Variants in GRIN2A observed in about 807,000 individuals in gnomAD.
The protein encoded by GRIN2A is glutamate receptor ionotropic, NMDA 2A.
A neutral mutation model predicts 113.4 loss-of-function variants in GRIN2A; 22 were observed. The ratio of observed to expected loss-of-function variants is 0.19; its 90% CI spans 0.14 to 0.28. The LOEUF is 0.28. Among genes scored for constraint, GRIN2A ranks in the 10% least tolerant of loss-of-function variants. The pLI is 1.00. For synonymous variants in GRIN2A, 827 were observed against 738.4 expected (o/e 1.12, Z -1.94); for missense variants, 1,502 against 1,887.0 (o/e 0.80, Z 3.78).
intron 9 of GRIN2A, among the ~76,000 whole-genome samples, chr16:9,824,109 C>G (rs2042341258): frequency 6.6e-6 from 1 of 152,216 alleles, no homozygotes; most frequent in African/African-American, 2.4e-5. Flanking sequence ...AAATCGTTTT[C>G]CCTAAATTAG....
At chr16:10,000,816 A>G (rs920004067) in intron 2 of GRIN2A, among the ~76,000 whole-genome samples, 2 of 151,890 alleles carry the variant, frequency 1.3e-5, no homozygotes, top group Non-Finnish European at 2.9e-5. Context: ...AATGGGTGCA[A>G]TACTGCATAT....
At chr16:9,959,637 G>A (rs2045390010) in intron 2 of GRIN2A, among the ~76,000 whole-genome samples, 1 of 152,228 alleles carries the variant, frequency 6.6e-6, no homozygotes, top group South Asian at 2.1e-4. Context: ...CAAAGAACTA[G>A]AGGGCTTGCC....
At chr16:9,910,826 C>T (rs2044120382) in intron 3 of GRIN2A, among the ~76,000 whole-genome samples, 2 of 152,170 alleles carry the variant, frequency 1.3e-5, no homozygotes, top group Non-Finnish European at 2.9e-5. Context: ...GCATGAGCCA[C>T]TGCACCCAGC....
At position 9,941,050 on chromosome 16, in the gene GRIN2A, A is replaced by G. The variant is rs1443384297; in HGVS notation, c.415-2499T>C. 2.6e-5 allele frequency among the ~76,000 whole-genome samples: 4 copies of G among 152,370 alleles called. No homozygotes were observed. In the East Asian group the frequency reaches 7.7e-4, roughly 29 times the overall value. On this transcript the variant is annotated intron_variant, in intron 2 of 12. Transcript: ENST00000330684. ...TGTAAATGATGCCTCAAAGGAAGCC[A>G]GTCACCAGAGTTACCTTCTGACTGC...
intron 10 of GRIN2A, among the ~76,000 whole-genome samples, chr16:9,803,030 T>C (rs531052615): frequency 2.6e-5 from 4 of 151,164 alleles, no homozygotes; most frequent in Non-Finnish European, 4.4e-5. Flanking sequence ...GAAAAAAAAA[T>C]CCCCTAAATC....
At chr16:9,824,314 G>C (rs1166647109) in intron 9 of GRIN2A, among the ~76,000 whole-genome samples, 3 of 152,180 alleles carry the variant, frequency 2.0e-5, no homozygotes, top group Admixed American at 2.0e-4. Context: ...ATCACCAAAA[G>C]CTCAAAAGGC....
At chr16:9,914,403 C>T (rs1231461419) in intron 3 of GRIN2A, among the ~76,000 whole-genome samples, 3 of 152,170 alleles carry the variant, frequency 2.0e-5, no homozygotes, top group Non-Finnish European at 4.4e-5. Context: ...TTTCAGATAA[C>T]AAAATTGTCC....
chr16:10,152,963 A>G (rs971381922), intron 2 of GRIN2A, among the ~76,000 whole-genome samples: 1 of 152,090 alleles, frequency 6.6e-6, no homozygotes, highest in Admixed American at 6.5e-5. Context: ...GGTAGAACAT[A>G]GATGATTTTT....
At chr16:10,046,979 T>C (rs947594828) in intron 2 of GRIN2A, among the ~76,000 whole-genome samples, 1 of 152,222 alleles carries the variant, frequency 6.6e-6, no homozygotes, top group African/African-American at 2.4e-5. Context: ...GAAGCTGTTC[T>C]GTGCACTGTA....
intron 3 of GRIN2A, among the ~76,000 whole-genome samples, chr16:9,914,251 C>A (rs1348965786): frequency 6.6e-6 from 1 of 152,096 alleles, no homozygotes; most frequent in African/African-American, 2.4e-5. Flanking sequence ...CCTAGGAAGA[C>A]AATAAAACTT....
Position 9,764,665 on chromosome 16 carries a change from A to G in GRIN2A, c.2879T>C (p.Met960Thr). The change falls in exon 13 of 13, where the codon ATG becomes ACG. Residue 960 changes from methionine to threonine, a missense_variant. Physicochemically the swap from Met to Thr is moderately conservative, Grantham distance 81. Coordinates refer to ENST00000330684, the MANE Select transcript of GRIN2A (RefSeq NM_001134407.3). Reference sequence around the variant, plus strand: ...GGCCACAAATGTTTGGAGTTCGTTCATGTTGTCTCCAAAAATGCTCTCTTT... The same window carrying G: ...GGCCACAAATGTTTGGAGTTCGTTCGTGTTGTCTCCAAAAATGCTCTCTTT... ...QGKESIFGDN[M>T]NELQTFVANR... 1.2e-6 allele frequency: 2 copies of G among 1,614,140 alleles called. No individual in the cohort carries two copies. Among genetic ancestry groups the G allele is most frequent in the Non-Finnish European group, 1.7e-6 (2 of 1,180,006 alleles).
chr16:9,902,296 G>A (rs2043944487), intron 3 of GRIN2A, among the ~76,000 whole-genome samples: 1 of 152,192 alleles, frequency 6.6e-6, no homozygotes, highest in African/African-American at 2.4e-5. Flanking sequence ...AAAGAAGGAG[G>A]TGAGCCCGTC....
At chr16:10,016,336 CCAA>C (rs767233192) in intron 2 of GRIN2A, among the ~76,000 whole-genome samples, 28 of 152,068 alleles carry the variant, frequency 1.8e-4, no homozygotes, top group Non-Finnish European at 8.8e-5. Flanking sequence ...GTCACCCCAT[CCAA>C]CAATCAGCAC....
intron 5 of GRIN2A, among the ~76,000 whole-genome samples, chr16:9,849,250 GAT>G (rs1161229795): frequency 2.1e-5 from 3 of 142,238 alleles, no homozygotes; most frequent in Non-Finnish European, 4.6e-5. Context: ...AATATATTAA[GAT>G]ATGTTTTATA....
chr16:9,817,867 T>C (rs1458601480), intron 10 of GRIN2A, among the ~76,000 whole-genome samples: 1 of 152,162 alleles, frequency 6.6e-6, no homozygotes, highest in East Asian at 1.9e-4. Context: ...AGCCACATGC[T>C]CTGGATGTTC....
intron 5 of GRIN2A, among the ~76,000 whole-genome samples, chr16:9,848,321 T>C (rs2042812881): frequency 6.6e-6 from 1 of 150,950 alleles, no homozygotes; most frequent in South Asian, 2.1e-4. Flanking sequence ...ATTCAAGTGA[T>C]TCTCATGCTT....
chr16:10,123,074 T>A (rs1180338691), intron 2 of GRIN2A, among the ~76,000 whole-genome samples: 1 of 152,222 alleles, frequency 6.6e-6, no homozygotes, highest in African/African-American at 2.4e-5. Context: ...ATGTTTCACA[T>A]CAAAGAAGAA....
chr16:9,958,545 G>A (rs775063643), intron 2 of GRIN2A, among the ~76,000 whole-genome samples: 9 of 152,060 alleles, frequency 5.9e-5, no homozygotes, highest in Non-Finnish European at 8.8e-5. Flanking sequence ...CCAGAAATCC[G>A]TATTTTTAAG....
chr16:9,932,096 G>C (rs2044606229), intron 3 of GRIN2A, among the ~76,000 whole-genome samples: 1 of 152,190 alleles, frequency 6.6e-6, no homozygotes, highest in Non-Finnish European at 1.5e-5. Flanking sequence ...TTTAGCATAA[G>C]GACATTTTTC....
Sources: gnomAD v4.1 joint callset for allele counts (sites outside exome capture counted in the v4.1 genomes callset) on GRCh38, gnomAD v4.1.1 for gene constraint, MANE v1.5 for transcripts, NCBI Gene and HGNC (gene_info 2026-07-23, HGNC 2026-07-21) for gene names.